CEP112: variants seen among roughly 807,000 people sequenced by gnomAD.
The protein encoded by CEP112 is centrosomal protein of 112 kDa.
A neutral mutation model predicts 153.0 loss-of-function variants in CEP112; 127 were observed. That is an observed-to-expected ratio of 0.83 (90% CI 0.72 to 0.96). The LOEUF is 0.96. Among genes scored for constraint, CEP112 ranks in the 40% least tolerant of loss-of-function variants. The pLI, the probability that CEP112 is intolerant of heterozygous loss-of-function variation, is 0.00. For synonymous variants in CEP112, 358 were observed against 374.4 expected (o/e 0.96, Z 0.51); for missense variants, 1,089 against 1,101.2 (o/e 0.99, Z 0.16).
intron 23 of CEP112, among the ~76,000 whole-genome samples, chr17:65,702,610 T>C (rs925027372): frequency 2.6e-5 from 4 of 152,356 alleles, no homozygotes; most frequent in South Asian, 4.1e-4. Context: ...TAGTCTCTTA[T>C]AGTGCCTAAT....
intron 17 of CEP112, among the ~76,000 whole-genome samples, chr17:65,971,162 TACATGTACAGC>T (rs71966028): frequency 0.42 from 62,705 of 150,844 alleles, 14,331 homozygotes; most frequent in East Asian, 0.87. Context: ...ACATGTACAT[TACATGTACAGC>T]ACATGTACAG....
chr17:65,776,404 T>G (rs1197486881), intron 21 of CEP112, among the ~76,000 whole-genome samples: 3 of 152,120 alleles, frequency 2.0e-5, no homozygotes, highest in Admixed American at 2.0e-4. Flanking sequence ...TCAGCTAATT[T>G]TTTGTATTTT....
At chr17:65,930,359 A>G (rs1475630938) in intron 18 of CEP112, among the ~76,000 whole-genome samples, 1 of 152,224 alleles carries the variant, frequency 6.6e-6, no homozygotes, top group African/African-American at 2.4e-5. Flanking sequence ...ATGTTCAGTG[A>G]AAGGCAACGA....
chr17:65,874,512 C>T lies in CEP112; in HGVS notation c.2164-22478G>A, dbSNP rs984733409. ...AAAGTAACATTAGTGGGAAAAAGCACATGTTGGTTTCATCCAGATGAAGGT... is the reference window on the plus strand; with the variant it reads ...AAAGTAACATTAGTGGGAAAAAGCATATGTTGGTTTCATCCAGATGAAGGT... On this transcript the variant is annotated intron_variant, in intron 20 of 26. Transcript: ENST00000535342. Among the ~76,000 whole-genome samples the T allele has an allele frequency of 6.6e-5, 10 of 152,174 alleles. 1 individual carries two copies. The highest frequency in any genetic ancestry group is 6.2e-4 in the South Asian group (3 of 4,818).
At chr17:66,155,684 G>A (rs1480153753) in intron 4 of CEP112, among the ~76,000 whole-genome samples, 5 of 152,126 alleles carry the variant, frequency 3.3e-5, no homozygotes, top group African/African-American at 9.7e-5. Context: ...GTCTGAAGTC[G>A]ACCTGGGATG....
In CEP112 at chr17:65,702,566, T is replaced by A. The variant is rs545263577; in HGVS notation, c.2608-13348A>T. Among the ~76,000 whole-genome samples the A allele has an allele frequency of 2.6e-5, 4 of 152,326 alleles. No individual in the cohort carries two copies. The East Asian group carries it at 7.7e-4, about 29-fold the overall frequency. ...AGACCACATAATTTTTATCACAGTATATTGTTGTAATTGTTCTATTTTATT... is the reference window on the plus strand; with the variant it reads ...AGACCACATAATTTTTATCACAGTAAATTGTTGTAATTGTTCTATTTTATT... On this transcript the variant is annotated intron_variant, in intron 23 of 26. Coordinates refer to ENST00000535342, the MANE Select transcript of CEP112 (RefSeq NM_001199165.4).
chr17:65,999,095 A>G (rs1598058500), intron 17 of CEP112, among the ~76,000 whole-genome samples: 1 of 152,080 alleles, frequency 6.6e-6, no homozygotes, highest in East Asian at 1.9e-4. Context: ...AAAGACAAAT[A>G]TTTTATTCAT....
Position 65,715,633 on chromosome 17 carries a change from A to C in CEP112, c.2608-26415T>G, listed in dbSNP as rs535729693. ...GCCCGGCTAATTTTTCATATTTTTT[A>C]GTAGAGACTGGGTTTCACCATGTTA... On this transcript the variant is annotated intron_variant, in intron 23 of 26. Transcript: ENST00000535342. Among the ~76,000 whole-genome samples the C allele has an allele frequency of 2.6e-5, 4 of 152,016 alleles. No individual in the cohort carries two copies. The South Asian group carries it at 8.3e-4, about 32-fold the overall frequency.
In CEP112 at chr17:66,005,401, T is replaced by G. The variant is rs1490317253; in HGVS notation, c.1736+289A>C. On this transcript the variant is annotated intron_variant, in intron 17 of 26. Coordinates refer to ENST00000535342, the MANE Select transcript of CEP112 (RefSeq NM_001199165.4). ...TAAATGTCCTAAGACCTAAATCTCA[T>G]TTTTTAAAAAATATGTTTTCGCTTA... Among the ~76,000 whole-genome samples, 8 of 152,278 alleles carry G rather than the reference T, an allele frequency of 5.3e-5. No individual in the cohort carries two copies. In the East Asian group the frequency reaches 1.5e-3, roughly 29 times the overall value.
At chr17:65,674,847 A>G (rs1223504672) in intron 24 of CEP112, among the ~76,000 whole-genome samples, 1 of 152,198 alleles carries the variant, frequency 6.6e-6, no homozygotes, top group Non-Finnish European at 1.5e-5. Context: ...AAGCAAGACA[A>G]CATGCCAAGA....
Position 65,703,630 on chromosome 17 carries a change from C to T in CEP112, c.2608-14412G>A, listed in dbSNP as rs141908872. On this transcript the variant is annotated intron_variant, in intron 23 of 26. Coordinates refer to ENST00000535342, the MANE Select transcript of CEP112 (RefSeq NM_001199165.4). ...AGGTCCCTCTGCCTCTCAGCCTCTA[C>T]GTTTTGCCACCAATGGGCCCAGCTC... Among the ~76,000 whole-genome samples, 755 of 149,898 alleles carry T rather than the reference C, an allele frequency of 5.0e-3. 9 individuals carry two copies. The highest frequency in any genetic ancestry group is 0.018 in the African/African-American group (732 of 40,678).
intron 21 of CEP112, among the ~76,000 whole-genome samples, chr17:65,797,695 G>A (rs1251419528): frequency 3.3e-5 from 5 of 152,166 alleles, no homozygotes; most frequent in African/African-American, 1.2e-4. Context: ...AGGAAGACAC[G>A]GCAGTTCAAG....
intron 23 of CEP112, among the ~76,000 whole-genome samples, chr17:65,719,123 T>C (rs562863322): frequency 3.9e-5 from 6 of 152,236 alleles, no homozygotes; most frequent in Non-Finnish European, 7.3e-5. Flanking sequence ...CACACAACAG[T>C]GGGTTTACTT....
chr17:65,840,203 A>C (rs2057465794), intron 21 of CEP112, among the ~76,000 whole-genome samples: 1 of 152,162 alleles, frequency 6.6e-6, no homozygotes, highest in African/African-American at 2.4e-5. Context: ...CCAAATAGCC[A>C]AAGTGATCTT....
intron 21 of CEP112, among the ~76,000 whole-genome samples, chr17:65,837,130 A>G (rs558960511): frequency 2.5e-4 from 38 of 152,270 alleles, no homozygotes; most frequent in Admixed American, 5.2e-4. Context: ...GCTGGAGTGC[A>G]GTGGCGTGAT....
In CEP112 at chr17:66,005,880, G is replaced by T; in HGVS notation, c.1657-111C>A. 3.3e-6 allele frequency: 3 copies of T among 921,618 alleles called. No homozygotes were observed. The South Asian group carries it at 6.3e-5, about 19-fold the overall frequency. The allele number at this position is 921,618 out of a possible 1,614,324, so 57.1% of individuals were successfully genotyped here. A position where few individuals can be genotyped will look rare whatever the true frequency, so the allele number is the denominator to read the frequency against. On this transcript the variant is annotated intron_variant, in intron 16 of 26. Coordinates refer to ENST00000535342, the MANE Select transcript of CEP112 (RefSeq NM_001199165.4). ...CAAATCCATTTTTAATATAAAATTA[G>T]ATTTAGATATTTCAAGATAGAAACT...
At chr17:65,644,210 G>T in intron 24 of CEP112, 1 of 686,334 alleles carries the variant, frequency 1.5e-6, no homozygotes. Context: ...CCAGAAAGTG[G>T]CCATAGCTGG....
chr17:66,132,554 C>A (rs1323913166), intron 5 of CEP112, 116 bp downstream of exon 5: 3 of 750,604 alleles, frequency 4.0e-6, no homozygotes, highest in Non-Finnish European at 6.8e-6. Flanking sequence ...CCAGAATCAT[C>A]CAACTTTATT....
intron 19 of CEP112, among the ~76,000 whole-genome samples, chr17:65,920,771 G>C (rs8080012): frequency 0.038 from 5,723 of 151,900 alleles, 321 homozygotes; most frequent in African/African-American, 0.12. Context: ...GTAAACAATA[G>C]CTGGGACCAT....
Sources: allele counts gnomAD v4.1 joint callset (sites outside exome capture counted in the v4.1 genomes callset), GRCh38; gene constraint gnomAD v4.1.1; transcripts MANE v1.5; gene names NCBI Gene and HGNC (gene_info 2026-07-23, HGNC 2026-07-21).